Variants in ERC1 observed in about 807,000 individuals in gnomAD.
The protein encoded by ERC1 is ELKS/RAB6-interacting/CAST family member 1, also known as RAB6 interacting protein 2.
ERC1 carries 56 observed loss-of-function variants against 132.0 expected under a neutral mutation model. The observed-to-expected ratio is 0.42, with a 90% CI of 0.34 to 0.53. The LOEUF (loss-of-function observed/expected upper bound fraction) is 0.53. Ranked by LOEUF, ERC1 falls within the 20% of genes least tolerant of loss-of-function variation. The pLI, the probability that ERC1 is intolerant of heterozygous loss-of-function variation, is 0.03. For synonymous variants in ERC1, 478 were observed against 476.1 expected (o/e 1.00, Z -0.05); for missense variants, 1,202 against 1,349.9 (o/e 0.89, Z 1.72).
chr12:1,363,605 T>C (rs1342524554), intron 15 of ERC1, among the ~76,000 whole-genome samples: 1 of 142,332 alleles, frequency 7.0e-6, no homozygotes, highest in Non-Finnish European at 1.5e-5. Flanking sequence ...TAGACTGGAA[T>C]GCAATGTGGT....
At chr12:1,259,522 T>TCC (rs1555333530) in intron 13 of ERC1, among the ~76,000 whole-genome samples, 10 of 110,588 alleles carry the variant, frequency 9.0e-5, no homozygotes, top group African/African-American at 4.3e-4. Flanking sequence ...CTTTCTTTCT[T>TCC]TTTTTTTTTT....
chr12:1,353,977 T>C (rs1388037325), intron 15 of ERC1, among the ~76,000 whole-genome samples: 2 of 152,102 alleles, frequency 1.3e-5, no homozygotes, highest in Non-Finnish European at 2.9e-5. Flanking sequence ...CACCTTCTTT[T>C]TGTTTTCTTT....
chr12:1,035,335 T>TAG (rs1968856537), intron 2 of ERC1, among the ~76,000 whole-genome samples: 1 of 152,250 alleles, frequency 6.6e-6, no homozygotes, highest in African/African-American at 2.4e-5. Context: ...GATCTTGTTC[T>TAG]AGGATCCTAT....
intron 17 of ERC1, among the ~76,000 whole-genome samples, chr12:1,421,078 C>T (rs2092410208): frequency 2.0e-5 from 3 of 152,066 alleles, no homozygotes; most frequent in Non-Finnish European, 4.4e-5. Context: ...CAGTAATTAG[C>T]ATATCTGTCA....
At chr12:1,190,861 G>A (rs1012438215) in intron 12 of ERC1, among the ~76,000 whole-genome samples, 2 of 150,710 alleles carry the variant, frequency 1.3e-5, no homozygotes, top group African/African-American at 4.9e-5. Context: ...TAATCTACTT[G>A]GCCTTTTGAG....
intron 15 of ERC1, among the ~76,000 whole-genome samples, chr12:1,325,807 T>C (rs2154355766): frequency 6.6e-6 from 1 of 152,284 alleles, no homozygotes; most frequent in South Asian, 2.1e-4. Flanking sequence ...TTTTCTCTTT[T>C]ATAATATAAG....
chr12:1,016,946 C>T (rs964486954), intron 1 of ERC1, among the ~76,000 whole-genome samples: 5 of 151,908 alleles, frequency 3.3e-5, no homozygotes, highest in South Asian at 2.1e-4. Context: ...CCACCGTGCC[C>T]GGCTTCAGTG....
intron 4 of ERC1, among the ~76,000 whole-genome samples, chr12:1,105,564 A>C (rs1399205380): frequency 6.6e-6 from 1 of 151,982 alleles, no homozygotes; most frequent in Non-Finnish European, 1.5e-5. Flanking sequence ...TCACCGTGTT[A>C]GCCAGGATGG....
At chr12:1,349,921 A>C (rs76044069) in intron 15 of ERC1, among the ~76,000 whole-genome samples, 3 of 152,194 alleles carry the variant, frequency 2.0e-5, no homozygotes, top group Non-Finnish European at 4.4e-5. Flanking sequence ...CACTGACTGC[A>C]GCCTAGGTCT....
intron 7 of ERC1, among the ~76,000 whole-genome samples, chr12:1,133,619 T>C (rs1948981230): frequency 6.6e-6 from 1 of 152,248 alleles, no homozygotes; most frequent in Admixed American, 6.5e-5. Context: ...CAGTCTGTTC[T>C]GACACTTCCC....
At chr12:1,116,858 G>A (rs1565999991) in intron 7 of ERC1, among the ~76,000 whole-genome samples, 1 of 152,198 alleles carries the variant, frequency 6.6e-6, no homozygotes, top group Non-Finnish European at 1.5e-5. Context: ...TGGGATTACA[G>A]GCATGAGCCA....
At chr12:1,341,982 C>T (rs2083943222) in intron 15 of ERC1, among the ~76,000 whole-genome samples, 1 of 152,012 alleles carries the variant, frequency 6.6e-6, no homozygotes, top group Non-Finnish European at 1.5e-5. Flanking sequence ...TTTCTACTCT[C>T]TTCTGGGAAT....
intron 15 of ERC1, among the ~76,000 whole-genome samples, chr12:1,319,052 G>C (rs906083126): frequency 6.6e-6 from 1 of 152,088 alleles, no homozygotes; most frequent in Non-Finnish European, 1.5e-5. Context: ...CTCAATAAAG[G>C]GGGAAGGTTC....
At chr12:1,130,642 TTTTA>T (rs1056792844) in intron 7 of ERC1, among the ~76,000 whole-genome samples, 1 of 151,982 alleles carries the variant, frequency 6.6e-6, no homozygotes, top group African/African-American at 2.4e-5. Flanking sequence ...CTTTTTTTTT[TTTTA>T]AACTATGTAC....
chr12:1,200,715 C>T (rs370585110), intron 12 of ERC1, among the ~76,000 whole-genome samples: 1 of 152,132 alleles, frequency 6.6e-6, no homozygotes, highest in Non-Finnish European at 1.5e-5. Context: ...CCCGCCACCA[C>T]AGCCGGCTAG....
At chr12:1,211,375 C>A (rs745499661) in intron 12 of ERC1, among the ~76,000 whole-genome samples, 6 of 152,044 alleles carry the variant, frequency 3.9e-5, no homozygotes, top group Non-Finnish European at 8.8e-5. Flanking sequence ...TCTCGAATTC[C>A]CATCTCAGGT....
intron 13 of ERC1, among the ~76,000 whole-genome samples, chr12:1,240,786 C>T (rs2075739167): frequency 6.6e-6 from 1 of 151,888 alleles, no homozygotes; most frequent in African/African-American, 2.4e-5. Context: ...GTTTATATCC[C>T]TCTACATTTT....
intron 7 of ERC1, among the ~76,000 whole-genome samples, chr12:1,139,422 A>G (rs758475455): frequency 1.3e-5 from 2 of 152,154 alleles, no homozygotes; most frequent in Non-Finnish European, 2.9e-5. Flanking sequence ...TATTGTTACA[A>G]TTGTTCTATT....
At chr12:1,426,875 G>A (rs1030771969) in intron 17 of ERC1, among the ~76,000 whole-genome samples, 5 of 151,594 alleles carry the variant, frequency 3.3e-5, no homozygotes, top group Non-Finnish European at 7.4e-5. Flanking sequence ...CACCTTTTTC[G>A]TAAAAACCAT....
Sources: gnomAD v4.1 joint callset for allele counts (sites outside exome capture counted in the v4.1 genomes callset) on GRCh38, gnomAD v4.1.1 for gene constraint, MANE v1.5 for transcripts, NCBI Gene and HGNC (gene_info 2026-07-23, HGNC 2026-07-21) for gene names.